The following ARIH2 variants were observed in gnomAD, a reference collection of about 807,000 sequenced individuals.
ARIH2 encodes the protein ariadne RBR E3 ubiquitin protein ligase 2, also known as E3 ubiquitin-protein ligase ARIH2.
ARIH2 carries 12 observed loss-of-function variants against 79.8 expected under a neutral mutation model. The observed-to-expected ratio is 0.15, with a 90% confidence interval of 0.10 to 0.24. ARIH2 has a LOEUF of 0.24. ARIH2 is among the 10% of genes least tolerant of loss of function. ARIH2 has a pLI of 1.00. For missense variants in ARIH2, 301 were observed against 618.3 expected (o/e 0.49, Z 5.44); for synonymous variants, 224 against 213.9 (o/e 1.05, Z -0.41).
At chr3:48,948,256 C>T (rs544904890) in intron 3 of ARIH2, among the ~76,000 whole-genome samples, 7 of 152,022 alleles carry the variant, frequency 4.6e-5, no homozygotes, top group South Asian at 4.2e-4. Flanking sequence ...CCACTGCGCC[C>T]GGCCTCCTTT....
chr3:48,974,893 A>G, intron 10 of ARIH2, 26 bp downstream of exon 10: 4 of 1,614,208 alleles, frequency 2.5e-6, no homozygotes, highest in Non-Finnish European at 3.4e-6. Context: ...TGCAGTTTGC[A>G]TGTGTGACAT....
intron 3 of ARIH2, among the ~76,000 whole-genome samples, chr3:48,940,098 C>T (rs923708479): frequency 2.0e-5 from 3 of 151,888 alleles, no homozygotes; most frequent in Admixed American, 6.6e-5. Flanking sequence ...CCCAGCTACT[C>T]GGGAGGCTGA....
rs758764212 is a variant in ARIH2 at position 48,968,470 on chromosome 3, A to G, written c.539-64A>G. The G allele has an allele frequency of 5.2e-6, 8 of 1,541,786 alleles. No homozygotes were observed. In the South Asian group the frequency reaches 7.8e-5, roughly 15 times the overall value. ...GTGATCTGCCTGCCTTGGCCTCCCA[A>G]AGTGCTGGGATTACAGGCATGAGCT... On this transcript the variant is annotated intron_variant, in intron 6 of 15. Coordinates refer to ENST00000356401, the MANE Select transcript of ARIH2 (RefSeq NM_006321.4).
At chr3:48,921,387 TC>T (rs2084791162) in intron 1 of ARIH2, 1 of 148,642 alleles carries the variant, frequency 6.7e-6, no homozygotes, top group African/African-American at 2.5e-5. Flanking sequence ...CCTGGAGTTT[TC>T]CCCACCTAAA....
intron 8 of ARIH2, 104 bp downstream of exon 8, chr3:48,970,808 C>T (rs1012801414): frequency 4.6e-5 from 38 of 822,572 alleles, no homozygotes; most frequent in Middle Eastern, 2.3e-4. Flanking sequence ...GAGGCAGGGT[C>T]TCTGAGCCAA....
chr3:48,958,578 C>T (rs902771999), intron 3 of ARIH2, among the ~76,000 whole-genome samples: 19 of 151,838 alleles, frequency 1.3e-4, no homozygotes, highest in Middle Eastern at 3.2e-3. Flanking sequence ...GGCGTGGTGG[C>T]GGGCGCCTGT....
chr3:48,984,348 T>C lies in ARIH2; in HGVS notation c.*1078T>C, dbSNP rs1249592569. 1.3e-5 allele frequency: 2 copies of C among 152,680 alleles called. No individual in the cohort carries two copies. Among genetic ancestry groups the C allele is most frequent in the Non-Finnish European group, 2.9e-5 (2 of 68,084 alleles). 9.5% of individuals were successfully genotyped at this position (152,680 alleles called of 1,614,324 possible). A position where few individuals can be genotyped will look rare whatever the true frequency, so the allele number is the denominator to read the frequency against. On this transcript the variant is annotated 3_prime_UTR_variant, in exon 16 of 16. Coordinates refer to ENST00000356401, the MANE Select transcript of ARIH2 (RefSeq NM_006321.4). ...GGGGCTGTGTTTGCACAAGTTATTTTCATGTTACCTGGAGAGTGTCCAGAG... is the reference window on the plus strand; with the variant it reads ...GGGGCTGTGTTTGCACAAGTTATTTCCATGTTACCTGGAGAGTGTCCAGAG...
chr3:48,965,077 G>A (rs552945591), intron 5 of ARIH2, 95 bp downstream of exon 5: 16 of 1,219,758 alleles, frequency 1.3e-5, no homozygotes, highest in Non-Finnish European at 1.8e-5. Flanking sequence ...ACTTGGCTGG[G>A]TGCGGTGTGG....
At chr3:48,921,421 T>G (rs2084797073) in intron 1 of ARIH2, 1 of 148,090 alleles carries the variant, frequency 6.8e-6, no homozygotes, top group Non-Finnish European at 1.5e-5. Context: ...GAAAAGCCTG[T>G]GGGCAATTTC....
chr3:48,940,898 G>A (rs2088076083), intron 3 of ARIH2, among the ~76,000 whole-genome samples: 4 of 151,094 alleles, frequency 2.6e-5, no homozygotes, highest in South Asian at 2.1e-4. Flanking sequence ...GGCTGGGCGC[G>A]GTGGCTCACA....
intron 6 of ARIH2, 131 bp from the exon 7 acceptor site, chr3:48,968,403 T>G (rs1171914556): frequency 2.5e-6 from 2 of 788,902 alleles, no homozygotes; most frequent in African/African-American, 1.7e-5. Flanking sequence ...GAGACTGGGT[T>G]TCTCCATATT....
chr3:48,956,669 CGTGTGTGTGTGTGTGTGT>C (rs10591265), intron 3 of ARIH2, among the ~76,000 whole-genome samples: 4 of 147,682 alleles, frequency 2.7e-5, no homozygotes, highest in East Asian at 2.0e-4. Context: ...ATACAGCTGA[CGTGTGTGTGTGTGTGTGT>C]GTGTGTGTGT....
chr3:48,959,262 G>A (rs1403215612), intron 3 of ARIH2, among the ~76,000 whole-genome samples: 2 of 149,380 alleles, frequency 1.3e-5, no homozygotes, highest in East Asian at 3.9e-4. Context: ...CTTGCAGTGA[G>A]CCGAGATTGC....
chr3:48,941,169 C>T (rs1294103247), intron 3 of ARIH2, among the ~76,000 whole-genome samples: 2 of 81,378 alleles, frequency 2.5e-5, no homozygotes, highest in Non-Finnish European at 4.8e-5. Flanking sequence ...AAGACTCCGT[C>T]TCAAAAAAAA....
chr3:48,934,878 A>G, intron 3 of ARIH2: 1 of 985,360 alleles, frequency 1.0e-6, no homozygotes, highest in Non-Finnish European at 1.2e-6. Flanking sequence ...GCCAGCTTTC[A>G]TTCTAGTCTT....
At chr3:48,932,574 A>G (rs891958214) in intron 3 of ARIH2, among the ~76,000 whole-genome samples, 1 of 152,170 alleles carries the variant, frequency 6.6e-6, no homozygotes, top group Non-Finnish European at 1.5e-5. Flanking sequence ...TTACCATTCC[A>G]TGGAACTCTT....
intron 11 of ARIH2, 60 bp from the exon 12 acceptor site, chr3:48,979,422 C>T: frequency 1.9e-6 from 3 of 1,575,572 alleles, no homozygotes; most frequent in Non-Finnish European, 8.6e-7. Context: ...ACTCCTCTGC[C>T]TATGGAGGAA....
chr3:48,938,889 C>T (rs2087564916), intron 3 of ARIH2, among the ~76,000 whole-genome samples: 1 of 146,900 alleles, frequency 6.8e-6, no homozygotes, highest in Non-Finnish European at 1.5e-5. Flanking sequence ...ACTAGTCATC[C>T]CTGTCCCCAC....
chr3:48,921,050 G>A (rs1471883132), intron 1 of ARIH2, among the ~76,000 whole-genome samples: 1 of 75,524 alleles, frequency 1.3e-5, no homozygotes, highest in Non-Finnish European at 2.7e-5. Flanking sequence ...TCCGCCTCCT[G>A]GGTTCAAGCG....
Sources: gnomAD v4.1 joint callset for allele counts (sites outside exome capture counted in the v4.1 genomes callset) on GRCh38, gnomAD v4.1.1 for gene constraint, MANE v1.5 for transcripts, NCBI Gene and HGNC (gene_info 2026-07-23, HGNC 2026-07-21) for gene names.